Variants in STXBP5L observed in about 807,000 individuals in gnomAD.
STXBP5L encodes syntaxin binding protein 5L, also known as syntaxin-binding protein 5-like.
A neutral mutation model predicts 144.5 loss-of-function variants in STXBP5L; 65 were observed. The observed-to-expected ratio is 0.45, with a 90% CI of 0.37 to 0.55. The LOEUF (loss-of-function observed/expected upper bound fraction) is 0.55. STXBP5L is among the 20% of genes least tolerant of loss of function. The pLI is 0.00. For missense variants in STXBP5L, 1,298 were observed against 1,405.5 expected (o/e 0.92, Z 1.22); for synonymous variants, 505 against 469.6 (o/e 1.08, Z -0.97).
intron 9 of STXBP5L, among the ~76,000 whole-genome samples, chr3:121,178,594 G>A (rs766011738): frequency 2.6e-5 from 4 of 152,156 alleles, no homozygotes. Context: ...GGGGAAACAA[G>A]TTTGCAGAGT....
intron 3 of STXBP5L, among the ~76,000 whole-genome samples, chr3:121,008,622 T>C (rs1037862595): frequency 1.3e-5 from 2 of 152,068 alleles, no homozygotes; most frequent in Non-Finnish European, 2.9e-5. Context: ...ATGTTTAAGC[T>C]GGTTCCTTAC....
At chr3:120,959,430 T>G (rs974361276) in intron 3 of STXBP5L, among the ~76,000 whole-genome samples, 5 of 151,882 alleles carry the variant, frequency 3.3e-5, no homozygotes, top group African/African-American at 1.2e-4. Flanking sequence ...CCAAAAAAGA[T>G]CCCACATTGC....
At chr3:121,202,006 T>G (rs2048159115) in intron 9 of STXBP5L, among the ~76,000 whole-genome samples, 1 of 152,220 alleles carries the variant, frequency 6.6e-6, no homozygotes. Context: ...TCCACCTACC[T>G]TGGCCTCCCA....
chr3:121,306,690 T>C (rs1251310341), intron 19 of STXBP5L, among the ~76,000 whole-genome samples: 1 of 152,052 alleles, frequency 6.6e-6, no homozygotes, highest in Admixed American at 6.6e-5. Context: ...GAGGAAGTAA[T>C]TGATAGCACC....
chr3:121,174,391 T>C (rs2046850410), intron 9 of STXBP5L, among the ~76,000 whole-genome samples: 1 of 152,126 alleles, frequency 6.6e-6, no homozygotes, highest in Admixed American at 6.6e-5. Context: ...TAAAGCTGTT[T>C]GTCTGCCTGT....
At chr3:121,318,403 G>A in intron 19 of STXBP5L, 72 bp from the exon 20 acceptor site, 1 of 1,179,414 alleles carries the variant, frequency 8.5e-7, no homozygotes, top group Non-Finnish European at 1.2e-6. Context: ...TAAACTTGTA[G>A]GAATTAAGAA....
At chr3:120,922,749 G>A (rs750755143) in intron 2 of STXBP5L, among the ~76,000 whole-genome samples, 69 of 151,986 alleles carry the variant, frequency 4.5e-4, no homozygotes, top group Non-Finnish European at 8.4e-4. Flanking sequence ...GTGTTAGTGT[G>A]ATATATCACG....
chr3:120,932,657 G>A (rs1259678704), intron 2 of STXBP5L, among the ~76,000 whole-genome samples: 2 of 152,154 alleles, frequency 1.3e-5, no homozygotes, highest in East Asian at 3.8e-4. Flanking sequence ...CAGGGATGTA[G>A]AACTGGAAAT....
chr3:121,238,361 A>G (rs1446178131), intron 12 of STXBP5L, among the ~76,000 whole-genome samples: 1 of 152,046 alleles, frequency 6.6e-6, no homozygotes, highest in Non-Finnish European at 1.5e-5. Context: ...CTTTTTAACA[A>G]CCAGCTCTCA....
At chr3:121,170,876 G>C (rs948226134) in intron 9 of STXBP5L, among the ~76,000 whole-genome samples, 2 of 152,152 alleles carry the variant, frequency 1.3e-5, no homozygotes, top group African/African-American at 4.8e-5. Context: ...AAACCTGGCA[G>C]AGACACAACA....
intron 3 of STXBP5L, among the ~76,000 whole-genome samples, chr3:120,987,350 T>A (rs1384154972): frequency 6.6e-6 from 1 of 152,004 alleles, no homozygotes; most frequent in Non-Finnish European, 1.5e-5. Context: ...ATTGTGGTAC[T>A]AATTTTCATT....
chr3:121,310,246 A>T (rs966703038), intron 19 of STXBP5L, among the ~76,000 whole-genome samples: 6 of 152,262 alleles, frequency 3.9e-5, no homozygotes, highest in Admixed American at 2.0e-4. Flanking sequence ...AATTAAAAAG[A>T]AATTACAATA....
At chr3:121,116,114 A>G (rs2044220474) in intron 6 of STXBP5L, among the ~76,000 whole-genome samples, 1 of 152,142 alleles carries the variant, frequency 6.6e-6, no homozygotes, top group East Asian at 1.9e-4. Context: ...ATACGTAAGC[A>G]ATTCTTCTAG....
intron 5 of STXBP5L, among the ~76,000 whole-genome samples, chr3:121,093,151 A>T (rs1189155571): frequency 6.6e-6 from 1 of 152,146 alleles, no homozygotes; most frequent in Non-Finnish European, 1.5e-5. Context: ...AAGCTTTTTA[A>T]TGTGCTGCTG....
intron 5 of STXBP5L, among the ~76,000 whole-genome samples, chr3:121,110,810 C>T (rs1384410408): frequency 2.0e-5 from 3 of 152,174 alleles, no homozygotes; most frequent in African/African-American, 7.2e-5. Context: ...TGGATGATAT[C>T]TTGAAGTACG....
At chr3:121,328,467 G>T (rs1480302391) in intron 20 of STXBP5L, among the ~76,000 whole-genome samples, 1 of 152,132 alleles carries the variant, frequency 6.6e-6, no homozygotes, top group South Asian at 2.1e-4. Flanking sequence ...TAGGCTTCAC[G>T]GCTGGGCCTG....
At chr3:121,021,587 A>G (rs1477181087) in intron 3 of STXBP5L, among the ~76,000 whole-genome samples, 1 of 152,190 alleles carries the variant, frequency 6.6e-6, no homozygotes, top group African/African-American at 2.4e-5. Context: ...ATAGTGGAAT[A>G]TAACTGGAAA....
intron 11 of STXBP5L, among the ~76,000 whole-genome samples, chr3:121,231,125 T>A (rs1277051859): frequency 6.6e-6 from 1 of 152,178 alleles, no homozygotes; most frequent in African/African-American, 2.4e-5. Context: ...ATGGTCCTCT[T>A]GTTTATAATA....
At chr3:120,934,739 G>A (rs1436385258) in intron 2 of STXBP5L, among the ~76,000 whole-genome samples, 2 of 151,886 alleles carry the variant, frequency 1.3e-5, no homozygotes, top group East Asian at 1.9e-4. Context: ...TTATCATTAC[G>A]TAATGTCCAT....
Sources: allele counts gnomAD v4.1 joint callset (sites outside exome capture counted in the v4.1 genomes callset), GRCh38; gene constraint gnomAD v4.1.1; transcripts MANE v1.5; gene names NCBI Gene and HGNC (gene_info 2026-07-23, HGNC 2026-07-21).